The following JAKMIP1 variants were observed in gnomAD, a reference collection of about 807,000 sequenced individuals.
JAKMIP1 encodes the protein janus kinase and microtubule-interacting protein 1.
Under a neutral mutation model 113.0 loss-of-function variants are expected in JAKMIP1, and 33 were observed. The observed-to-expected ratio is 0.29, with a 90% CI of 0.22 to 0.39. The LOEUF (loss-of-function observed/expected upper bound fraction) is 0.39. Among genes scored for constraint, JAKMIP1 ranks in the 10% least tolerant of loss-of-function variants. The probability of loss-of-function intolerance (pLI) is 1.00; values close to 1 mark genes in which losing one functional copy is unlikely to be tolerated. For missense variants in JAKMIP1, 813 were observed against 1,080.5 expected, an observed-to-expected ratio of 0.75 and a Z score of 3.47; for synonymous variants, 480 against 459.9, an observed-to-expected ratio of 1.04 and a Z score of -0.56.
At chr4:6,146,695 T>C (rs1720901447) in intron 1 of JAKMIP1, among the ~76,000 whole-genome samples, 1 of 152,196 alleles carries the variant, frequency 6.6e-6, no homozygotes, top group Non-Finnish European at 1.5e-5. Context: ...ATGGTCAATG[T>C]TATGTTACAT....
chr4:6,191,524 T>C (rs987522926), intron 1 of JAKMIP1, among the ~76,000 whole-genome samples: 3 of 152,210 alleles, frequency 2.0e-5, no homozygotes, highest in African/African-American at 4.8e-5. Context: ...AGGTGCACTG[T>C]CATTGTTTGT....
Position 6,199,926 on chromosome 4 carries a change from G to C in JAKMIP1, c.-148+327C>G, listed in dbSNP as rs1728264862. Among the ~76,000 whole-genome samples the C allele has an allele frequency of 6.6e-6, 1 of 151,202 alleles. No homozygotes were observed. Reference sequence around the variant, plus strand: ...GGAATCCGGAGAAGAGTGGAAATAGGGGTGGCGTGAAGGAGAGCTGGGGGC... The same window carrying C: ...GGAATCCGGAGAAGAGTGGAAATAGCGGTGGCGTGAAGGAGAGCTGGGGGC... On this transcript the variant is annotated intron_variant, in intron 1 of 20. Coordinates refer to ENST00000409021, the MANE Select transcript of JAKMIP1 (RefSeq NM_001099433.2). The surrounding 1 kb of genome is among the most constrained non-coding windows in gnomAD (Gnocchi z 5.6).
rs116138835 is a variant in JAKMIP1, at chr4:6,082,339, G to C, written c.955-584C>G. On this transcript the variant is annotated intron_variant, in intron 5 of 20. Transcript: ENST00000409021. The stretch of plus-strand genomic sequence containing the variant: ...TAGGTTGAAATATAAAATGTACCAT[G>C]TGACCCATGCATTCTACTTCTAGAA... Among the ~76,000 whole-genome samples, 882 of 151,954 alleles carry C rather than the reference G, an allele frequency of 5.8e-3. 8 individuals are homozygous for C. Among genetic ancestry groups the C allele is most frequent in the African/African-American group, 0.021 (853 of 41,452 alleles).
intron 1 of JAKMIP1, among the ~76,000 whole-genome samples, chr4:6,119,569 A>G (rs1170828478): frequency 2.6e-5 from 3 of 113,568 alleles, no homozygotes; most frequent in Non-Finnish European, 5.8e-5. Flanking sequence ...AACAACAACA[A>G]CAAAAAAAAA....
intron 1 of JAKMIP1, among the ~76,000 whole-genome samples, chr4:6,170,677 A>G (rs1027595816): frequency 4.8e-5 from 7 of 147,146 alleles, no homozygotes; most frequent in Non-Finnish European, 1.0e-4. Context: ...CACCCTTCTC[A>G]CCTCCACTGT....
At position 6,154,509 on chromosome 4, in the gene JAKMIP1, A is replaced by G. The variant is rs1189338405; in HGVS notation, c.-147-41512T>C. ...GATGTCTATAGTCCTTTAAAAAAAA[A>G]AAAAAGCAGGGGGGATATAAAAGGA... is the stretch of plus-strand genomic sequence containing the variant. On this transcript the variant is annotated intron_variant, in intron 1 of 20. Coordinates refer to ENST00000409021, the MANE Select transcript of JAKMIP1 (RefSeq NM_001099433.2). The surrounding 1 kb of genome is among the most constrained non-coding windows in gnomAD (Gnocchi z 4.2). Among the ~76,000 whole-genome samples the G allele has an allele frequency of 6.6e-6, 1 of 151,962 alleles. No individual in the cohort carries two copies. Among genetic ancestry groups the G allele is most frequent in the Non-Finnish European group, 1.5e-5 (1 of 67,992 alleles).
intron 1 of JAKMIP1, among the ~76,000 whole-genome samples, chr4:6,134,878 A>G (rs1294345303): frequency 1.3e-5 from 2 of 152,244 alleles, no homozygotes; most frequent in African/African-American, 4.8e-5. Context: ...TGGCGCATGC[A>G]TAAATAAAGA....
Position 6,081,818 on chromosome 4 carries a change from AC to A in JAKMIP1, c.955-64del. ...GACGACGGACGGCCGAGGTCACAGCACCGAGGTGAGCAGAGACTCAACCCAG... is the reference window on the plus strand; with the variant it reads ...GACGACGGACGGCCGAGGTCACAGCACGAGGTGAGCAGAGACTCAACCCAG... On this transcript the variant is annotated intron_variant, in intron 5 of 20. Coordinates refer to ENST00000409021, the MANE Select transcript of JAKMIP1 (RefSeq NM_001099433.2). This position sits in a 1 kb window ranked among gnomAD's most constrained non-coding sequence, Gnocchi z 4.6. 6.9e-6 allele frequency: 11 copies of A among 1,598,168 alleles called. No homozygotes were observed. The highest frequency in any genetic ancestry group is 9.4e-6 in the Non-Finnish European group (11 of 1,169,090).
Position 6,178,601 on chromosome 4 carries a change from G to A in JAKMIP1, c.-148+21652C>T, listed in dbSNP as rs2109036145. 6.6e-6 allele frequency among the ~76,000 whole-genome samples: 1 copy of A among 152,302 alleles called. No homozygotes were observed. Among genetic ancestry groups the A allele is most frequent in the Non-Finnish European group, 1.5e-5 (1 of 68,038 alleles). Reference sequence around the variant, plus strand: ...AAACTGCATCTCCTTGATACCGCCAGGTGAAGAAGGACGTGTTTGCTTCCC... The same window carrying A: ...AAACTGCATCTCCTTGATACCGCCAAGTGAAGAAGGACGTGTTTGCTTCCC... On this transcript the variant is annotated intron_variant, in intron 1 of 20. Transcript: ENST00000409021. This position sits in a 1 kb window ranked among gnomAD's most constrained non-coding sequence, Gnocchi z 5.5.
At position 6,049,947 on chromosome 4, in the gene JAKMIP1, T is replaced by C; in HGVS notation, c.1909-75A>G. The C allele has an allele frequency of 1.9e-6, 2 of 1,061,208 alleles. No individual in the cohort carries two copies. Among genetic ancestry groups the C allele is most frequent in the Non-Finnish European group, 2.9e-6 (2 of 689,112 alleles). The allele number at this position is 1,061,208 out of a possible 1,614,324, so 65.7% of individuals were successfully genotyped here. A position where few individuals can be genotyped will look rare whatever the true frequency, so the allele number is the denominator to read the frequency against. On this transcript the variant is annotated intron_variant, in intron 14 of 20. Coordinates refer to ENST00000409021, the MANE Select transcript of JAKMIP1 (RefSeq NM_001099433.2). This position sits in a 1 kb window ranked among gnomAD's most constrained non-coding sequence, Gnocchi z 7.0. ...CATACCAATTTCTAGGGCCACGGCCTTTCCTCTGGACAAGACACCGCGCTC... is the reference window on the plus strand; with the variant it reads ...CATACCAATTTCTAGGGCCACGGCCCTTCCTCTGGACAAGACACCGCGCTC...
intron 1 of JAKMIP1, among the ~76,000 whole-genome samples, chr4:6,126,408 A>G (rs1281432007): frequency 4.0e-5 from 6 of 150,500 alleles, no homozygotes; most frequent in Non-Finnish European, 7.4e-5. Flanking sequence ...ACACACAAAC[A>G]TACACCGTAC....
At chr4:6,045,588 C>T (rs962535767) in intron 16 of JAKMIP1, among the ~76,000 whole-genome samples, 5 of 152,182 alleles carry the variant, frequency 3.3e-5, no homozygotes, top group Non-Finnish European at 7.3e-5. Flanking sequence ...AAACTGGCTT[C>T]GAGGCTGGGT....
Position 6,116,825 on chromosome 4 carries a change from G to C in JAKMIP1, c.-147-3828C>G, listed in dbSNP as rs552160819. On this transcript the variant is annotated intron_variant, in intron 1 of 20. Coordinates refer to ENST00000409021, the MANE Select transcript of JAKMIP1 (RefSeq NM_001099433.2). The surrounding 1 kb of genome is among the most constrained non-coding windows in gnomAD (Gnocchi z 5.1). ...ACAATGATGGCTTGTGGTAGGTGCT[G>C]GAAAGAACAAGTCTACAGGGCACTG... Among the ~76,000 whole-genome samples the C allele has an allele frequency of 6.6e-6, 1 of 152,168 alleles. No homozygotes were observed. The highest frequency in any genetic ancestry group is 6.5e-5 in the Admixed American group (1 of 15,278).
In JAKMIP1 at chr4:6,167,759, C is replaced by T. The variant is rs1187506624; in HGVS notation, c.-148+32494G>A. On this transcript the variant is annotated intron_variant, in intron 1 of 20. Transcript: ENST00000409021. The surrounding 1 kb of genome is among the most constrained non-coding windows in gnomAD (Gnocchi z 5.3). The stretch of plus-strand genomic sequence containing the variant: ...CAGATGTGAACTGCCCAAGGGCACG[C>T]GGCTTTTCCACGGCTCTATGGCTGT... Among the ~76,000 whole-genome samples, 3 of 152,238 alleles carry T rather than the reference C, an allele frequency of 2.0e-5. No homozygotes were observed. The highest frequency in any genetic ancestry group is 2.1e-4 in the South Asian group (1 of 4,830).
intron 1 of JAKMIP1, among the ~76,000 whole-genome samples, chr4:6,165,845 G>A (rs879835194): frequency 2.0e-5 from 3 of 152,086 alleles, no homozygotes; most frequent in Non-Finnish European, 4.4e-5. Context: ...GTATTCTCTC[G>A]CAGTTCTGGA....
rs1284053432 is a variant in JAKMIP1, at chr4:6,083,078, C to A, written c.955-1323G>T. On this transcript the variant is annotated intron_variant, in intron 5 of 20. Coordinates refer to ENST00000409021, the MANE Select transcript of JAKMIP1 (RefSeq NM_001099433.2). Reference sequence around the variant, plus strand: ...TTTAAACATTAAGAACATTTAAGAACCACTCCAAACTAGCAGTAGTTACCT... The same window carrying A: ...TTTAAACATTAAGAACATTTAAGAAACACTCCAAACTAGCAGTAGTTACCT... Among the ~76,000 whole-genome samples the A allele has an allele frequency of 2.0e-5, 3 of 152,144 alleles. No homozygotes were observed. The South Asian group carries it at 6.3e-4, about 32-fold the overall frequency.
chr4:6,090,256 G>A (rs1468330036), intron 3 of JAKMIP1, among the ~76,000 whole-genome samples: 1 of 152,034 alleles, frequency 6.6e-6, no homozygotes, highest in African/African-American at 2.4e-5. Flanking sequence ...AGGACAAGCT[G>A]CAGACATGCA....
rs967923898 is a variant in JAKMIP1, at chr4:6,188,905, A to G, written c.-148+11348T>C. 1.3e-5 allele frequency among the ~76,000 whole-genome samples: 2 copies of G among 152,184 alleles called. No homozygotes were observed. Among genetic ancestry groups the G allele is most frequent in the Non-Finnish European group, 2.9e-5 (2 of 68,030 alleles). On this transcript the variant is annotated intron_variant, in intron 1 of 20. Transcript: ENST00000409021. This position sits in a 1 kb window ranked among gnomAD's most constrained non-coding sequence, Gnocchi z 5.8. ...CCAGTGGTTTAAATAGATTAGGCAC[A>G]ATGTGGGGGCATCCAGGCCCTTTTT...
At position 6,080,692 on chromosome 4, in the gene JAKMIP1, T is replaced by G. The variant is rs1288762224; in HGVS notation, c.1102-380A>C. Among the ~76,000 whole-genome samples, 3 of 152,138 alleles carry G rather than the reference T, an allele frequency of 2.0e-5. No individual in the cohort carries two copies. Among genetic ancestry groups the G allele is most frequent in the Non-Finnish European group, 4.4e-5 (3 of 68,024 alleles). On this transcript the variant is annotated intron_variant, in intron 6 of 20. Coordinates refer to ENST00000409021, the MANE Select transcript of JAKMIP1 (RefSeq NM_001099433.2). The surrounding 1 kb of genome is among the most constrained non-coding windows in gnomAD (Gnocchi z 6.0). ...AGCTTTCTGCCATGATTGTGAGGCC[T>G]CCCCAGCCACGTGAAACTGTGAGTC...
Sources: gnomAD v4.1 joint callset for allele counts (sites outside exome capture counted in the v4.1 genomes callset) on GRCh38, gnomAD v4.1.1 for gene constraint, Gnocchi (gnomAD v3.1) non-coding constraint, MANE v1.5 for transcripts, NCBI Gene and HGNC (gene_info 2026-07-23, HGNC 2026-07-21) for gene names.